Variants in SRD5A1 observed in about 807,000 individuals in gnomAD.
SRD5A1 encodes the protein 3-oxo-5-alpha-steroid 4-dehydrogenase 1.
Under a neutral mutation model 28.2 loss-of-function variants are expected in SRD5A1, and 22 were observed. The observed-to-expected ratio is 0.78, with a 90% CI of 0.56 to 1.12. The LOEUF is 1.12. Ranked by LOEUF, SRD5A1 falls within the 50% of genes most tolerant of loss-of-function variation. The probability of loss-of-function intolerance (pLI) is 0.00; values close to 1 mark genes in which losing one functional copy is unlikely to be tolerated. For missense variants in SRD5A1, 300 were observed against 346.7 expected (o/e 0.87, Z 1.07); for synonymous variants, 151 against 135.0 (o/e 1.12, Z -0.82).
chr5:6,656,862 A>C (rs964080214), intron 3 of SRD5A1, among the ~76,000 whole-genome samples: 2 of 152,228 alleles, frequency 1.3e-5, no homozygotes, highest in African/African-American at 4.8e-5. Context: ...AGGCACGGTC[A>C]CAAGGTACAG....
rs749907582 is a variant in SRD5A1, at chr5:6,671,454, G to A, written c.*3186G>A. 13 of 152,086 alleles carry A rather than the reference G, an allele frequency of 8.5e-5. No homozygotes were observed. Among genetic ancestry groups the A allele is most frequent in the African/African-American group, 1.4e-4 (6 of 41,404 alleles). The allele number at this position is 152,086 out of a possible 1,614,324, so 9.4% of individuals were successfully genotyped here. On this transcript the variant is annotated 3_prime_UTR_variant, in exon 5 of 5. Coordinates refer to ENST00000274192, the MANE Select transcript of SRD5A1 (RefSeq NM_001047.4). ...GTGAAGATTTTCTCCCACTCTGTGC[G>A]TTGTCTGTTTACTCTGCTGACTGTT...
At chr5:6,655,411 G>C (rs954284467) in intron 2 of SRD5A1, among the ~76,000 whole-genome samples, 9 of 152,218 alleles carry the variant, frequency 5.9e-5, no homozygotes, top group African/African-American at 2.2e-4. Context: ...AGAAAACTGG[G>C]GATACCGTGG....
At chr5:6,644,229 C>G (rs1738443655) in intron 1 of SRD5A1, among the ~76,000 whole-genome samples, 1 of 152,192 alleles carries the variant, frequency 6.6e-6, no homozygotes, top group South Asian at 2.1e-4. Context: ...CTCTTTTTCA[C>G]CTTGCCTTCC....
chr5:6,647,880 T>C (rs567178219), intron 1 of SRD5A1, among the ~76,000 whole-genome samples: 2 of 152,236 alleles, frequency 1.3e-5, no homozygotes, highest in Non-Finnish European at 2.9e-5. Context: ...CTTTACAATT[T>C]GGTATATTTT....
intron 4 of SRD5A1, among the ~76,000 whole-genome samples, chr5:6,663,712 TAGTC>T (rs993175824): frequency 5.3e-5 from 8 of 151,624 alleles, no homozygotes; most frequent in South Asian, 2.1e-4. Context: ...ATACAAAAAT[TAGTC>T]AGGCGTGGTG....
At chr5:6,661,530 CTT>C (rs11402128) in intron 3 of SRD5A1, among the ~76,000 whole-genome samples, 20 of 118,246 alleles carry the variant, frequency 1.7e-4, no homozygotes, top group Non-Finnish European at 2.4e-4. Flanking sequence ...ATAGGTTTGT[CTT>C]TTTTTTTTTT....
intron 1 of SRD5A1, among the ~76,000 whole-genome samples, chr5:6,649,937 G>A (rs917234510): frequency 6.6e-6 from 1 of 152,054 alleles, no homozygotes. Flanking sequence ...CAGTAATATT[G>A]CCCAAAAAGG....
At chr5:6,659,525 G>C (rs1228384627) in intron 3 of SRD5A1, among the ~76,000 whole-genome samples, 1 of 152,116 alleles carries the variant, frequency 6.6e-6, no homozygotes, top group Non-Finnish European at 1.5e-5. Flanking sequence ...CAAAGCATTG[G>C]AACAGAATAT....
chr5:6,653,008 T>G (rs777157725), intron 2 of SRD5A1, among the ~76,000 whole-genome samples: 1 of 152,224 alleles, frequency 6.6e-6, no homozygotes, highest in Non-Finnish European at 1.5e-5. Flanking sequence ...GCTAAAAGTC[T>G]GAAGTCAGTC....
chr5:6,638,105 G>A (rs766828666), intron 1 of SRD5A1, among the ~76,000 whole-genome samples: 2 of 152,204 alleles, frequency 1.3e-5, no homozygotes, highest in African/African-American at 2.4e-5. Context: ...CTGGGAGGCC[G>A]AGGAAGGTGG....
chr5:6,643,978 C>T (rs530777811), intron 1 of SRD5A1, among the ~76,000 whole-genome samples: 5 of 152,238 alleles, frequency 3.3e-5, no homozygotes, highest in African/African-American at 7.2e-5. Flanking sequence ...TGCCAGCTGA[C>T]GTTTTTCAGG....
At chr5:6,643,401 C>G (rs1370603044) in intron 1 of SRD5A1, among the ~76,000 whole-genome samples, 1 of 152,120 alleles carries the variant, frequency 6.6e-6, no homozygotes, top group Non-Finnish European at 1.5e-5. Flanking sequence ...ACCTCCCAGG[C>G]TCTGATGATC....
intron 1 of SRD5A1, among the ~76,000 whole-genome samples, chr5:6,635,047 AGT>A (rs1738138817): frequency 6.6e-6 from 1 of 152,226 alleles, no homozygotes; most frequent in African/African-American, 2.4e-5. Flanking sequence ...GGAAGAACTC[AGT>A]GTGTGTTTAT....
chr5:6,642,137 T>A (rs1043380239), intron 1 of SRD5A1, among the ~76,000 whole-genome samples: 1 of 152,254 alleles, frequency 6.6e-6, no homozygotes, highest in Non-Finnish European at 1.5e-5. Flanking sequence ...AATTCTTTTC[T>A]TGGTGAGGGA....
At chr5:6,644,673 TG>T in intron 1 of SRD5A1, 1 of 362,650 alleles carries the variant, frequency 2.8e-6, no homozygotes, top group Non-Finnish European at 5.4e-6. Context: ...CCTCCTGTTC[TG>T]GTTGACAAAT....
intron 1 of SRD5A1, among the ~76,000 whole-genome samples, chr5:6,649,766 A>G (rs1738613999): frequency 6.6e-6 from 1 of 151,914 alleles, no homozygotes; most frequent in African/African-American, 2.4e-5. Context: ...GGCTGCACCC[A>G]CTGTCCAACC....
At chr5:6,665,502 G>A (rs879809051) in intron 4 of SRD5A1, among the ~76,000 whole-genome samples, 1 of 152,188 alleles carries the variant, frequency 6.6e-6, no homozygotes, top group Non-Finnish European at 1.5e-5. Context: ...GAAATACAAC[G>A]TTATCTCTCT....
At chr5:6,654,426 AG>A (rs1469819118) in intron 2 of SRD5A1, among the ~76,000 whole-genome samples, 12 of 136,920 alleles carry the variant, frequency 8.8e-5, no homozygotes, top group Non-Finnish European at 7.8e-5. Context: ...AAAGATTTTA[AG>A]TTTTTTTTTT....
At chr5:6,657,705 G>A (rs774306490) in intron 3 of SRD5A1, among the ~76,000 whole-genome samples, 17 of 152,190 alleles carry the variant, frequency 1.1e-4, no homozygotes, top group Non-Finnish European at 2.1e-4. Flanking sequence ...CCCCAGAGAC[G>A]GCAGGATCCC....
Sources: allele counts gnomAD v4.1 joint callset (sites outside exome capture counted in the v4.1 genomes callset), GRCh38; gene constraint gnomAD v4.1.1; transcripts MANE v1.5; gene names NCBI Gene and HGNC (gene_info 2026-07-23, HGNC 2026-07-21).